The following PARD3B variants were observed in gnomAD, a reference collection of about 807,000 sequenced individuals.
PARD3B encodes par-3 family cell polarity regulator beta.
In PARD3B, 103 loss-of-function variants were observed where a neutral mutation model predicts 130.2. The ratio of observed to expected loss-of-function variants is 0.79; its 90% CI spans 0.67 to 0.93. The LOEUF is 0.93. Among genes scored for constraint, PARD3B ranks in the 40% least tolerant of loss-of-function variants. The probability of loss-of-function intolerance (pLI) is 0.00; values close to 1 mark genes in which losing one functional copy is unlikely to be tolerated. For missense variants in PARD3B, 1,609 were observed against 1,499.2 expected (o/e 1.07, Z -1.21); for synonymous variants, 583 against 553.2 (o/e 1.05, Z -0.76).
chr2:205,371,587 A>C (rs1289338225), intron 18 of PARD3B, among the ~76,000 whole-genome samples: 1 of 152,204 alleles, frequency 6.6e-6, no homozygotes, highest in Non-Finnish European at 1.5e-5. Context: ...AGAGAAAATA[A>C]CCTATAGTTA....
Position 205,421,568 on chromosome 2 carries a change from A to G in PARD3B, c.2742-18802A>G, listed in dbSNP as rs1262797141. Among the ~76,000 whole-genome samples the G allele has an allele frequency of 6.6e-6, 1 of 152,200 alleles. No homozygotes were observed. The highest frequency in any genetic ancestry group is 1.5e-5 in the Non-Finnish European group (1 of 68,030). ...AATGACATATTGACCAAGGCTGTGA[A>G]TGAAAATAGTGCATACCTAAATACT... On this transcript the variant is annotated intron_variant, in intron 19 of 22. Coordinates refer to ENST00000406610, the MANE Select transcript of PARD3B (RefSeq NM_001302769.2). This position sits in a 1 kb window ranked among gnomAD's most constrained non-coding sequence, Gnocchi z 5.1.
intron 22 of PARD3B, among the ~76,000 whole-genome samples, chr2:205,603,216 T>C (rs572034244): frequency 1.3e-5 from 2 of 152,098 alleles, no homozygotes; most frequent in African/African-American, 4.8e-5. Flanking sequence ...TGTGCTGTGG[T>C]CTCTGTTATG....
intron 2 of PARD3B, among the ~76,000 whole-genome samples, chr2:204,719,275 C>G (rs999116916): frequency 6.6e-6 from 1 of 152,112 alleles, no homozygotes; most frequent in Non-Finnish European, 1.5e-5. Context: ...GCAAGGCTAA[C>G]GGAGACTATT....
In PARD3B at chr2:204,748,490, G is replaced by C. The variant is rs149387663; in HGVS notation, c.222+62208G>C. Among the ~76,000 whole-genome samples the C allele has an allele frequency of 7.3e-3, 1,116 of 152,222 alleles. 15 individuals carry two copies. The highest frequency in any genetic ancestry group is 0.025 in the African/African-American group (1,019 of 41,554). On this transcript the variant is annotated intron_variant, in intron 2 of 22. Coordinates refer to ENST00000406610, the MANE Select transcript of PARD3B (RefSeq NM_001302769.2). The stretch of plus-strand genomic sequence containing the variant: ...TATGAAGTCTAGAGGGATGAGAAAC[G>C]ATTGTGGAATTTTTTTTCTCTCTGT...
In PARD3B at chr2:205,258,055, T is replaced by G. The variant is rs2040163005; in HGVS notation, c.2185+12233T>G. Reference sequence around the variant, plus strand: ...TCTCAATAAACTCTAACTTGAGTTATATTTTCAAATATAGTCCCCCAGCAG... The same window carrying G: ...TCTCAATAAACTCTAACTTGAGTTAGATTTTCAAATATAGTCCCCCAGCAG... On this transcript the variant is annotated intron_variant, in intron 16 of 22. Transcript: ENST00000406610. This position sits in a 1 kb window ranked among gnomAD's most constrained non-coding sequence, Gnocchi z 4.9. Among the ~76,000 whole-genome samples the G allele has an allele frequency of 6.6e-6, 1 of 152,174 alleles. No homozygotes were observed. The highest frequency in any genetic ancestry group is 2.1e-4 in the South Asian group (1 of 4,828).
chr2:205,545,155 A>G (rs1364688713), intron 21 of PARD3B, among the ~76,000 whole-genome samples: 1 of 152,232 alleles, frequency 6.6e-6, no homozygotes, highest in Non-Finnish European at 1.5e-5. Context: ...TAGCTCAGGC[A>G]TATTATACCA....
At chr2:204,561,972 G>T (rs1157528747) in intron 1 of PARD3B, among the ~76,000 whole-genome samples, 1 of 152,098 alleles carries the variant, frequency 6.6e-6, no homozygotes, top group Non-Finnish European at 1.5e-5. Context: ...GCCGCTGTTA[G>T]GACCATTGTC....
At chr2:204,602,507 C>T (rs1047336043) in intron 1 of PARD3B, among the ~76,000 whole-genome samples, 2 of 152,008 alleles carry the variant, frequency 1.3e-5, no homozygotes, top group African/African-American at 4.8e-5. Flanking sequence ...TATTTCTACA[C>T]ACACCATTCC....
intron 2 of PARD3B, among the ~76,000 whole-genome samples, chr2:204,798,426 C>G (rs2042450037): frequency 6.6e-6 from 1 of 152,128 alleles, no homozygotes. Context: ...CTAAAGCACT[C>G]CGGGGTTCTA....
intron 15 of PARD3B, among the ~76,000 whole-genome samples, chr2:205,210,256 A>C (rs1574400079): frequency 6.6e-6 from 1 of 151,878 alleles, no homozygotes; most frequent in African/African-American, 2.4e-5. Flanking sequence ...TAAAAAGAAA[A>C]TCAGCTTTAG....
At chr2:205,447,222 G>A (rs2047935912) in intron 20 of PARD3B, among the ~76,000 whole-genome samples, 1 of 152,100 alleles carries the variant, frequency 6.6e-6, no homozygotes, top group South Asian at 2.1e-4. Context: ...CCCTCAAATG[G>A]GGTTTATACA....
At chr2:205,010,414 C>T (rs1036392221) in intron 3 of PARD3B, among the ~76,000 whole-genome samples, 1 of 152,120 alleles carries the variant, frequency 6.6e-6, no homozygotes, top group African/African-American at 2.4e-5. Context: ...TTCCTTTTAC[C>T]TTTCTCTTGG....
chr2:204,749,177 C>G (rs892673683), intron 2 of PARD3B, among the ~76,000 whole-genome samples: 1 of 151,898 alleles, frequency 6.6e-6, no homozygotes, highest in Non-Finnish European at 1.5e-5. Context: ...GTAATACCAC[C>G]GAGGGCTATT....
chr2:205,597,777 C>A (rs868059135), intron 22 of PARD3B, among the ~76,000 whole-genome samples: 1 of 152,130 alleles, frequency 6.6e-6, no homozygotes, highest in Non-Finnish European at 1.5e-5. Flanking sequence ...AGGCTAGTAG[C>A]GGACTTTCAG....
chr2:204,782,931 G>A (rs2041889187), intron 2 of PARD3B, among the ~76,000 whole-genome samples: 1 of 152,048 alleles, frequency 6.6e-6, no homozygotes, highest in Non-Finnish European at 1.5e-5. Context: ...TTCTGACAAG[G>A]AGAGTGGGTC....
At chr2:205,315,272 C>G (rs1265792351) in intron 18 of PARD3B, among the ~76,000 whole-genome samples, 1 of 152,182 alleles carries the variant, frequency 6.6e-6, no homozygotes, top group African/African-American at 2.4e-5. Flanking sequence ...CCACTCTGTG[C>G]CTCAGTTTCC....
At position 205,471,353 on chromosome 2, in the gene PARD3B, C is replaced by CTTT. The variant is rs769669913; in HGVS notation, c.3045-28522_3045-28520dup. Among the ~76,000 whole-genome samples, 443 of 85,394 alleles carry CTTT rather than the reference C, an allele frequency of 5.2e-3. 36 individuals are homozygous for CTTT. The highest frequency in any genetic ancestry group is 0.017 in the African/African-American group (354 of 21,378). 56.0% of individuals were successfully genotyped at this position (85,394 alleles called of 152,430 possible). A position where few individuals can be genotyped will look rare whatever the true frequency, so the allele number is the denominator to read the frequency against. On this transcript the variant is annotated intron_variant, in intron 20 of 22. Coordinates refer to ENST00000406610, the MANE Select transcript of PARD3B (RefSeq NM_001302769.2). The stretch of plus-strand genomic sequence containing the variant: ...ACACTATCAGTGCAAACTCACTTTT[C>CTTT]TTTTTTTTTTTTTTTTTTTTTTTCT...
At position 204,545,970 on chromosome 2, in the gene PARD3B, C is replaced by T. The variant is rs2029894639; in HGVS notation, c.-30C>T. The T allele has an allele frequency of 3.3e-6, 5 of 1,537,694 alleles. No individual in the cohort carries two copies. In the South Asian group the frequency reaches 3.7e-5, roughly 11 times the overall value. On this transcript the variant is annotated 5_prime_UTR_variant, in exon 1 of 23. Coordinates refer to ENST00000406610, the MANE Select transcript of PARD3B (RefSeq NM_001302769.2). ...CCCGCGGGGTCAGACACCTGTTCGG[C>T]CCGGCCCGGCGTGGTCGCCGGGGGC... is the stretch of plus-strand genomic sequence containing the variant.
intron 16 of PARD3B, among the ~76,000 whole-genome samples, chr2:205,298,418 T>C (rs1482716111): frequency 2.0e-5 from 3 of 152,180 alleles, no homozygotes; most frequent in Non-Finnish European, 4.4e-5. Flanking sequence ...TATGCCTCTT[T>C]CTGGATTTAA....
Sources: gnomAD v4.1 joint callset for allele counts (sites outside exome capture counted in the v4.1 genomes callset) on GRCh38, gnomAD v4.1.1 for gene constraint, Gnocchi (gnomAD v3.1) non-coding constraint, MANE v1.5 for transcripts, NCBI Gene and HGNC (gene_info 2026-07-23, HGNC 2026-07-21) for gene names.